The following DSCAML1 variants were observed in gnomAD, a reference collection of about 807,000 sequenced individuals.
DSCAML1 encodes DS cell adhesion molecule like 1, also known as cell adhesion molecule DSCAML1.
In DSCAML1, 38 loss-of-function variants were observed where a neutral mutation model predicts 200.5. The ratio of observed to expected loss-of-function variants is 0.19; its 90% CI spans 0.15 to 0.25. The LOEUF is 0.25. DSCAML1 is among the 10% of genes least tolerant of loss of function. DSCAML1 has a pLI of 1.00. For synonymous variants in DSCAML1, 1,215 were observed against 1,165.0 expected, an observed-to-expected ratio of 1.04 and a Z score of -0.87; for missense variants, 2,223 against 2,858.8, an observed-to-expected ratio of 0.78 and a Z score of 5.07.
rs1458175323 is a variant in DSCAML1 at position 117,518,135 on chromosome 11, C to T, written c.1510+331G>A. ...CTGGCAGATACCAGCAGGTGTTTAG[C>T]ATACTTGGGCCCCAGAGAGATTTGA... is the stretch of plus-strand genomic sequence containing the variant. On this transcript the variant is annotated intron_variant, in intron 7 of 32. Transcript: ENST00000651296. The surrounding 1 kb of genome is among the most constrained non-coding windows in gnomAD (Gnocchi z 6.3). Among the ~76,000 whole-genome samples the T allele has an allele frequency of 6.6e-6, 1 of 152,074 alleles. No individual in the cohort carries two copies. The highest frequency in any genetic ancestry group is 1.5e-5 in the Non-Finnish European group (1 of 68,010).
Position 117,437,888 on chromosome 11 carries a change from G to T in DSCAML1, c.4432+7C>A. The T allele has an allele frequency of 6.2e-7, 1 of 1,600,840 alleles. No homozygotes were observed. The highest frequency in any genetic ancestry group is 2.2e-5 in the East Asian group (1 of 44,774). ...CTCCTTCCCTGCCCCAGTGGCCTGG[G>T]CCTCACCCCGCCCGTGGGTCTTGGC... is the stretch of plus-strand genomic sequence containing the variant. On this transcript the variant is annotated splice_region_variant and intron_variant, in intron 25 of 32. Transcript: ENST00000651296. The surrounding 1 kb of genome is among the most constrained non-coding windows in gnomAD (Gnocchi z 5.3).
Position 117,465,134 on chromosome 11 carries a change from CA to C in DSCAML1, c.3072del (p.Ile1024MetfsTer19). The C allele has an allele frequency of 6.2e-7, 1 of 1,614,078 alleles. No individual in the cohort carries two copies. Among genetic ancestry groups the C allele is most frequent in the Non-Finnish European group, 8.5e-7 (1 of 1,180,018 alleles). On this transcript the variant is annotated frameshift_variant, in exon 17 of 33. Coordinates refer to ENST00000651296, the MANE Select transcript of DSCAML1 (RefSeq NM_020693.4). LOFTEE classifies it high-confidence loss of function. ...CTGCCGGGGCTGTTCTCTCTGTAGC[CA>C]ATCTGGTAGCCCCGGATGACACCGT... ...LQNGVIRGYQ[I>X]GYRENSPGSN...
chr11:117,465,218 G>A (rs749410718), intron 16 of DSCAML1, 36 bp from the exon 17 acceptor site: 141 of 1,606,140 alleles, frequency 8.8e-5, no homozygotes, highest in Non-Finnish European at 1.2e-4. Flanking sequence ...ACAAAGAAAT[G>A]GCAACACGCT....
Position 117,489,258 on chromosome 11 carries a change from G to A in DSCAML1, c.2360-7096C>T, listed in dbSNP as rs2049140995. ...CCTGGGGCAGGCAGTGGGGACTGCT[G>A]CTTTAGGGGTGCAGGCGGGAGAGCC... On this transcript the variant is annotated intron_variant, in intron 11 of 32. Transcript: ENST00000651296. The surrounding 1 kb of genome is among the most constrained non-coding windows in gnomAD (Gnocchi z 4.8). 6.6e-6 allele frequency among the ~76,000 whole-genome samples: 1 copy of A among 152,208 alleles called. No homozygotes were observed. The highest frequency in any genetic ancestry group is 1.5e-5 in the Non-Finnish European group (1 of 68,038).
intron 3 of DSCAML1, among the ~76,000 whole-genome samples, chr11:117,551,927 T>C (rs640147): frequency 0.64 from 97,279 of 151,388 alleles, 31,807 homozygotes; most frequent in East Asian, 0.85. Flanking sequence ...ACAGAATGAG[T>C]GGGAGGGGAC....
At chr11:117,685,250 TGAA>T (rs1484421396) in intron 3 of DSCAML1, among the ~76,000 whole-genome samples, 3 of 152,334 alleles carry the variant, frequency 2.0e-5, no homozygotes, top group Admixed American at 6.5e-5. Flanking sequence ...TTTCCTAAGA[TGAA>T]GCTCAGACAG....
intron 19 of DSCAML1, among the ~76,000 whole-genome samples, chr11:117,457,856 G>A (rs1301594569): frequency 1.3e-5 from 2 of 152,282 alleles, no homozygotes; most frequent in East Asian, 1.9e-4. Context: ...AAAAACTAAG[G>A]GTGAGTGGAA....
In DSCAML1 at chr11:117,804,288, G is replaced by T. The variant is rs141882346; in HGVS notation, c.-250+13102C>A. ...AGTGCCTTAGAGCTCAGCTCACCTG[G>T]CCCCATCTCATACCCACTGGCTTTC... On this transcript the variant is annotated intron_variant, in intron 1 of 2. Transcript: ENST00000525836. Among the ~76,000 whole-genome samples, 755 of 152,260 alleles carry T rather than the reference G, an allele frequency of 5.0e-3. 5 individuals are homozygous for T. Among genetic ancestry groups the T allele is most frequent in the African/African-American group, 0.018 (730 of 41,544 alleles).
intron 3 of DSCAML1, among the ~76,000 whole-genome samples, chr11:117,670,318 C>T (rs759755199): frequency 6.6e-6 from 1 of 152,064 alleles, no homozygotes; most frequent in Non-Finnish European, 1.5e-5. Flanking sequence ...AGACCGACTC[C>T]AAGCTCCCTG....
chr11:117,636,614 CT>C (rs1247807084), intron 3 of DSCAML1, among the ~76,000 whole-genome samples: 2 of 152,188 alleles, frequency 1.3e-5, no homozygotes, highest in Non-Finnish European at 2.9e-5. Flanking sequence ...ACACTTCCCC[CT>C]GCCTCACTGA....
intron 3 of DSCAML1, among the ~76,000 whole-genome samples, chr11:117,632,850 C>T (rs1005222077): frequency 2.0e-5 from 3 of 152,172 alleles, no homozygotes; most frequent in African/African-American, 7.2e-5. Context: ...CTATATGTAT[C>T]ATTTAATTCT....
At chr11:117,755,629 A>C (rs2054675955) in intron 3 of DSCAML1, among the ~76,000 whole-genome samples, 1 of 152,186 alleles carries the variant, frequency 6.6e-6, no homozygotes, top group South Asian at 2.1e-4. Context: ...GTCAAGTCAG[A>C]AATGCAAAAA....
intron 3 of DSCAML1, among the ~76,000 whole-genome samples, chr11:117,768,611 G>A (rs1470506435): frequency 1.3e-5 from 2 of 152,168 alleles, no homozygotes; most frequent in Non-Finnish European, 1.5e-5. Context: ...GATGCATTTA[G>A]GTGACTCCTT....
intron 20 of DSCAML1, among the ~76,000 whole-genome samples, chr11:117,447,605 TA>T (rs1412058555): frequency 6.6e-6 from 1 of 152,202 alleles, no homozygotes; most frequent in African/African-American, 2.4e-5. Context: ...GTGAAAAATG[TA>T]TTATATTATT....
Position 117,717,598 on chromosome 11 carries a change from G to A in DSCAML1, c.511+59193C>T, listed in dbSNP as rs564722025. Among the ~76,000 whole-genome samples, 71 of 152,332 alleles carry A rather than the reference G, an allele frequency of 4.7e-4. 1 individual carries two copies. The South Asian group carries it at 0.013, about 28-fold the overall frequency. On this transcript the variant is annotated intron_variant, in intron 3 of 32. Coordinates refer to ENST00000651296, the MANE Select transcript of DSCAML1 (RefSeq NM_020693.4). ...TGGGCGTGGGACAGGGTAAAGGCCC[G>A]TCCTGGGCATCCTGACTTCCTGGCG... is the stretch of plus-strand genomic sequence containing the variant.
At chr11:117,575,123 G>A (rs193295933) in intron 3 of DSCAML1, among the ~76,000 whole-genome samples, 4 of 152,266 alleles carry the variant, frequency 2.6e-5, no homozygotes, top group Admixed American at 6.5e-5. Context: ...CCCAGGAGGC[G>A]GAGGTTGCAA....
At chr11:117,618,822 C>T (rs1343615821) in intron 3 of DSCAML1, among the ~76,000 whole-genome samples, 4 of 152,100 alleles carry the variant, frequency 2.6e-5, no homozygotes, top group Non-Finnish European at 4.4e-5. Flanking sequence ...CTGTGTTAAG[C>T]GGCCCAAGAC....
chr11:117,658,740 G>A (rs1210607199), intron 3 of DSCAML1, among the ~76,000 whole-genome samples: 2 of 152,160 alleles, frequency 1.3e-5, no homozygotes, highest in Non-Finnish European at 2.9e-5. Context: ...TTTGAGTGGC[G>A]AAGATTCTCC....
intron 3 of DSCAML1, among the ~76,000 whole-genome samples, chr11:117,644,993 G>A (rs1192889865): frequency 1.3e-5 from 2 of 152,250 alleles, no homozygotes; most frequent in East Asian, 3.8e-4. Context: ...GACAGGGCCT[G>A]GGAACCCCCG....
Sources: allele counts gnomAD v4.1 joint callset (sites outside exome capture counted in the v4.1 genomes callset), GRCh38; gene constraint gnomAD v4.1.1; non-coding constraint Gnocchi (gnomAD v3.1); transcripts MANE v1.5; gene names NCBI Gene and HGNC (gene_info 2026-07-23, HGNC 2026-07-21).